Variants in LGR5 observed in about 807,000 individuals in gnomAD.
LGR5 encodes the protein leucine-rich repeat-containing G protein-coupled receptor 5.
In LGR5, 54 loss-of-function variants were observed where a neutral mutation model predicts 76.7. The observed-to-expected ratio is 0.70, with a 90% confidence interval of 0.57 to 0.88. The LOEUF (loss-of-function observed/expected upper bound fraction) is 0.88. Ranked by LOEUF, LGR5 falls within the 40% of genes least tolerant of loss-of-function variation. The pLI is 0.00. For missense variants in LGR5, 1,078 were observed against 1,073.3 expected, an observed-to-expected ratio of 1.00 and a Z score of -0.06; for synonymous variants, 406 against 421.9, an observed-to-expected ratio of 0.96 and a Z score of 0.46.
chr12:71,469,340 G>A (rs1872992880), intron 1 of LGR5, among the ~76,000 whole-genome samples: 1 of 152,258 alleles, frequency 6.6e-6, no homozygotes, highest in African/African-American at 2.4e-5. Context: ...ACTAACTTCA[G>A]TGGAATCTCG....
At chr12:71,513,810 T>C (rs1875290347) in intron 2 of LGR5, among the ~76,000 whole-genome samples, 1 of 152,214 alleles carries the variant, frequency 6.6e-6, no homozygotes, top group Non-Finnish European at 1.5e-5. Context: ...GTTTCTAGTC[T>C]GGTTTTGTGA....
At chr12:71,453,474 T>C (rs1227823798) in intron 1 of LGR5, among the ~76,000 whole-genome samples, 1 of 151,798 alleles carries the variant, frequency 6.6e-6, no homozygotes, top group Non-Finnish European at 1.5e-5. Flanking sequence ...CTTTTTTTTT[T>C]TTTTTTTAAT....
chr12:71,442,344 T>C (rs1871805504), intron 1 of LGR5, among the ~76,000 whole-genome samples: 1 of 152,178 alleles, frequency 6.6e-6, no homozygotes, highest in Admixed American at 6.5e-5. Flanking sequence ...TATCTATAGA[T>C]AGAACAATCT....
At chr12:71,512,611 G>C (rs1294424715) in intron 2 of LGR5, among the ~76,000 whole-genome samples, 2 of 152,172 alleles carry the variant, frequency 1.3e-5, no homozygotes, top group East Asian at 3.9e-4. Flanking sequence ...CACCCCAACA[G>C]ACAAAGGCAG....
intron 1 of LGR5, among the ~76,000 whole-genome samples, chr12:71,461,901 TA>T (rs1170499468): frequency 3.0e-4 from 45 of 152,168 alleles, no homozygotes; most frequent in African/African-American, 1.0e-3. Context: ...TGAAGTGGGG[TA>T]AATACTCCAA....
intron 7 of LGR5, among the ~76,000 whole-genome samples, chr12:71,560,589 C>T (rs1433021717): frequency 7.9e-5 from 12 of 152,122 alleles, no homozygotes; most frequent in South Asian, 2.1e-4. Context: ...GCCAGGAGTT[C>T]GAGACCAGCC....
chr12:71,477,076 C>A (rs964261816), intron 1 of LGR5, among the ~76,000 whole-genome samples: 1 of 151,902 alleles, frequency 6.6e-6, no homozygotes, highest in African/African-American at 2.4e-5. Context: ...TGGAATAAGG[C>A]AAGAAGCAAG....
chr12:71,570,599 G>T (rs551949081), intron 11 of LGR5, among the ~76,000 whole-genome samples: 3 of 152,016 alleles, frequency 2.0e-5, no homozygotes, highest in Admixed American at 6.6e-5. Context: ...GGTATTGGGT[G>T]GGGGGGTATC....
rs139179217 is a variant in LGR5 at position 71,584,435 on chromosome 12, G to C, written c.2425G>C (p.Val809Leu). ...AATTAAGTTTATCCTTCTGGTGGTA[G>C]TCCCACTTCCTGCATGTCTCAATCC... ...EVIKFILLVV[V>L]PLPACLNPLL... Residue 809 changes from valine to leucine, a missense_variant, in exon 18 of 18, where the codon GTC becomes CTC. Coordinates refer to ENST00000266674, the MANE Select transcript of LGR5 (RefSeq NM_003667.4). 2.5e-6 allele frequency: 4 copies of C among 1,613,834 alleles called. No individual in the cohort carries two copies. In the African/African-American group the frequency reaches 5.3e-5, roughly 22 times the overall value.
At chr12:71,574,171 C>T (rs1187870288) in intron 13 of LGR5, among the ~76,000 whole-genome samples, 1 of 151,508 alleles carries the variant, frequency 6.6e-6, no homozygotes, top group Non-Finnish European at 1.5e-5. Context: ...GGCATGGTGG[C>T]ATGTGCCTGT....
intron 4 of LGR5, among the ~76,000 whole-genome samples, chr12:71,540,443 G>A (rs1876820188): frequency 6.6e-6 from 1 of 152,082 alleles, no homozygotes; most frequent in Non-Finnish European, 1.5e-5. Context: ...TTCATCTTCA[G>A]AATATGACTA....
rs529680995 is a variant in LGR5, at chr12:71,502,439, C to A, written c.213-2175C>A. On this transcript the variant is annotated intron_variant, in intron 1 of 17. Transcript: ENST00000266674. ...TCTCAAACTCCTGACCTCGGGTGACCCACCTGCCTCAGCCTCCCAAAGTGC... is the reference window on the plus strand; with the variant it reads ...TCTCAAACTCCTGACCTCGGGTGACACACCTGCCTCAGCCTCCCAAAGTGC... Among the ~76,000 whole-genome samples the A allele has an allele frequency of 9.2e-5, 14 of 152,064 alleles. No homozygotes were observed. In the South Asian group the frequency reaches 2.5e-3, roughly 27 times the overall value.
chr12:71,538,582 C>A (rs1042505444), intron 4 of LGR5, among the ~76,000 whole-genome samples: 17 of 152,286 alleles, frequency 1.1e-4, no homozygotes, highest in Non-Finnish European at 2.5e-4. Context: ...AAACTATTGA[C>A]CTGACCTGGA....
chr12:71,561,852 TG>T lies in LGR5; in HGVS notation c.857+1del. 6.4e-7 allele frequency: 1 copy of T among 1,571,134 alleles called. No individual in the cohort carries two copies. The highest frequency in any genetic ancestry group is 8.7e-7 in the Non-Finnish European group (1 of 1,143,428). ...GTAGGCAACCCTTCTCTTATTACAA[TG>T]TAAGTGACCATAATGCTTTTCGGTT... On this transcript the variant is annotated splice_donor_variant, in intron 8 of 17. Transcript: ENST00000266674. LOFTEE classifies it high-confidence loss of function.
intron 1 of LGR5, among the ~76,000 whole-genome samples, chr12:71,503,525 G>A (rs932961504): frequency 5.9e-5 from 9 of 152,054 alleles, no homozygotes; most frequent in Admixed American, 2.0e-4. Context: ...AATTCTTAGC[G>A]TCATTGATGT....
chr12:71,469,388 C>T (rs1872995744), intron 1 of LGR5, among the ~76,000 whole-genome samples: 1 of 152,238 alleles, frequency 6.6e-6, no homozygotes, highest in Non-Finnish European at 1.5e-5. Flanking sequence ...CTGGCGTCCT[C>T]TGGCCTGATC....
At chr12:71,495,420 T>A (rs916269240) in intron 1 of LGR5, among the ~76,000 whole-genome samples, 1 of 151,312 alleles carries the variant, frequency 6.6e-6, no homozygotes, top group African/African-American at 2.5e-5. Context: ...ACCAGAAACG[T>A]CCCAAGTTAA....
At chr12:71,561,135 G>C (rs1373521490) in intron 7 of LGR5, among the ~76,000 whole-genome samples, 1 of 152,138 alleles carries the variant, frequency 6.6e-6, no homozygotes, top group Non-Finnish European at 1.5e-5. Flanking sequence ...AACCCTTAGG[G>C]TGTTCTGACT....
chr12:71,485,553 C>A (rs1252052702), intron 1 of LGR5, among the ~76,000 whole-genome samples: 1 of 151,720 alleles, frequency 6.6e-6, no homozygotes, highest in Non-Finnish European at 1.5e-5. Context: ...GCCATCTCTG[C>A]AAAAAATAAA....
Sources: allele counts gnomAD v4.1 joint callset (sites outside exome capture counted in the v4.1 genomes callset), GRCh38; gene constraint gnomAD v4.1.1; transcripts MANE v1.5; gene names NCBI Gene and HGNC (gene_info 2026-07-23, HGNC 2026-07-21).